The following CLIC4 variants were observed in gnomAD, a reference collection of about 807,000 sequenced individuals.
CLIC4 encodes the protein CLIC family member 4.
CLIC4 carries 13 observed loss-of-function variants against 24.6 expected under a neutral mutation model. The ratio of observed to expected loss-of-function variants is 0.53; its 90% confidence interval spans 0.34 to 0.84. CLIC4 has a LOEUF of 0.84. Ranked by LOEUF, CLIC4 falls within the 40% of genes least tolerant of loss-of-function variation. The probability of loss-of-function intolerance (pLI) is 0.01; values close to 1 mark genes in which losing one functional copy is unlikely to be tolerated. For synonymous variants in CLIC4, 104 were observed against 111.3 expected, an observed-to-expected ratio of 0.93 and a Z score of 0.41; for missense variants, 227 against 301.7, an observed-to-expected ratio of 0.75 and a Z score of 1.83.
chr1:24,769,860 A>G (rs1639050557), intron 1 of CLIC4, among the ~76,000 whole-genome samples: 1 of 151,810 alleles, frequency 6.6e-6, no homozygotes, highest in African/African-American at 2.4e-5. Context: ...CCTGACTTGA[A>G]TGTCTTTTTT....
chr1:24,750,140 G>C (rs1638755970), intron 1 of CLIC4, among the ~76,000 whole-genome samples: 1 of 152,152 alleles, frequency 6.6e-6, no homozygotes, highest in South Asian at 2.1e-4. Flanking sequence ...TAGCCCTAGA[G>C]GCTGCGGGTG....
chr1:24,753,342 A>G (rs1399277706), intron 1 of CLIC4, among the ~76,000 whole-genome samples: 1 of 152,216 alleles, frequency 6.6e-6, no homozygotes, highest in Non-Finnish European at 1.5e-5. Context: ...GATATAAGAA[A>G]TTATTAAACA....
intron 1 of CLIC4, among the ~76,000 whole-genome samples, chr1:24,766,332 A>T (rs1015776888): frequency 6.6e-6 from 1 of 151,178 alleles, no homozygotes; most frequent in African/African-American, 2.4e-5. Context: ...GGGTTTCACC[A>T]TGTTGGCGAG....
chr1:24,753,735 A>T (rs1400152264), intron 1 of CLIC4, among the ~76,000 whole-genome samples: 1 of 152,156 alleles, frequency 6.6e-6, no homozygotes, highest in East Asian at 1.9e-4. Flanking sequence ...TTCTCCCCAC[A>T]CTTTCCTGTG....
At chr1:24,763,119 T>C (rs562389963) in intron 1 of CLIC4, among the ~76,000 whole-genome samples, 22 of 152,298 alleles carry the variant, frequency 1.4e-4, no homozygotes, top group African/African-American at 5.1e-4. Context: ...AGAAATTTTG[T>C]TCTTCATCTT....
At chr1:24,806,588 T>A (rs1057173689) in intron 2 of CLIC4, among the ~76,000 whole-genome samples, 3 of 152,200 alleles carry the variant, frequency 2.0e-5, no homozygotes, top group Admixed American at 6.5e-5. Flanking sequence ...GGAAAATTGG[T>A]AATCATATGT....
intron 3 of CLIC4, 84 bp downstream of exon 3, chr1:24,814,303 C>A: frequency 7.0e-7 from 1 of 1,427,006 alleles, no homozygotes; most frequent in Non-Finnish European, 9.6e-7. Context: ...TTTCTCGCAG[C>A]ATTAATTTGG....
chr1:24,782,508 A>T (rs915647976), intron 1 of CLIC4, among the ~76,000 whole-genome samples: 12 of 135,642 alleles, frequency 8.8e-5, no homozygotes, highest in African/African-American at 2.6e-4. Context: ...GTGAATGAAT[A>T]AAAAAAAAAA....
chr1:24,771,493 C>G (rs866367350), intron 1 of CLIC4, among the ~76,000 whole-genome samples: 3 of 151,864 alleles, frequency 2.0e-5, no homozygotes, highest in African/African-American at 4.8e-5. Context: ...TTATGTTCTT[C>G]TAAAGACTAA....
At chr1:24,836,065 G>A (rs1402533858) in intron 4 of CLIC4, among the ~76,000 whole-genome samples, 2 of 152,148 alleles carry the variant, frequency 1.3e-5, no homozygotes, top group East Asian at 3.8e-4. Flanking sequence ...CCTAAAGAAA[G>A]TTGACAAAGC....
intron 2 of CLIC4, among the ~76,000 whole-genome samples, chr1:24,798,899 G>C (rs1465280799): frequency 6.6e-6 from 1 of 152,244 alleles, no homozygotes; most frequent in Admixed American, 6.5e-5. Context: ...CGCCAGCCTC[G>C]GCCTCCCGAG....
intron 3 of CLIC4, among the ~76,000 whole-genome samples, chr1:24,820,265 G>GTTTTTTT (rs1557812406): frequency 2.0e-5 from 1 of 49,780 alleles, no homozygotes; most frequent in African/African-American, 8.3e-5. Context: ...TCCCTTTTTG[G>GTTTTTTT]TCTTTTTTTT....
intron 3 of CLIC4, among the ~76,000 whole-genome samples, chr1:24,818,608 T>C (rs978578177): frequency 2.0e-5 from 3 of 152,118 alleles, no homozygotes; most frequent in Non-Finnish European, 2.9e-5. Flanking sequence ...TATTCATCCA[T>C]TCATTTATTT....
At chr1:24,811,197 A>G (rs1039093979) in intron 2 of CLIC4, among the ~76,000 whole-genome samples, 11 of 152,222 alleles carry the variant, frequency 7.2e-5, no homozygotes, top group Non-Finnish European at 1.2e-4. Context: ...AACAAAAAAT[A>G]GTGAGAAGAG....
At chr1:24,784,824 T>G (rs1187049297) in intron 1 of CLIC4, among the ~76,000 whole-genome samples, 2 of 151,986 alleles carry the variant, frequency 1.3e-5, no homozygotes, top group Non-Finnish European at 2.9e-5. Flanking sequence ...GCTAACCTGG[T>G]GAAACCCCAT....
At chr1:24,753,475 G>A (rs1638804854) in intron 1 of CLIC4, among the ~76,000 whole-genome samples, 1 of 152,162 alleles carries the variant, frequency 6.6e-6, no homozygotes, top group Non-Finnish European at 1.5e-5. Context: ...GATGGAAGGA[G>A]GCTTAAACTT....
chr1:24,805,044 G>A (rs1408180190), intron 2 of CLIC4, among the ~76,000 whole-genome samples: 5 of 125,382 alleles, frequency 4.0e-5, no homozygotes, highest in Admixed American at 3.1e-4. Context: ...GGCAAATCAC[G>A]CCACTGCACT....
chr1:24,778,933 AACTC>A (rs1316927942), intron 1 of CLIC4, among the ~76,000 whole-genome samples: 1 of 152,180 alleles, frequency 6.6e-6, no homozygotes, highest in Non-Finnish European at 1.5e-5. Context: ...ACTCAAAAGA[AACTC>A]ACGACATTAA....
At chr1:24,779,615 C>T (rs533726949) in intron 1 of CLIC4, among the ~76,000 whole-genome samples, 1 of 152,294 alleles carries the variant, frequency 6.6e-6, no homozygotes, top group Admixed American at 6.5e-5. Flanking sequence ...TGTGGTATCT[C>T]TTAAAGGGAT....
Sources: allele counts gnomAD v4.1 joint callset (sites outside exome capture counted in the v4.1 genomes callset), GRCh38; gene constraint gnomAD v4.1.1; transcripts MANE v1.5; gene names NCBI Gene and HGNC (gene_info 2026-07-23, HGNC 2026-07-21).